Variants in TNRC6A observed in about 807,000 individuals in gnomAD.
TNRC6A encodes the protein trinucleotide repeat-containing gene 6A protein.
TNRC6A carries 44 observed loss-of-function variants against 221.2 expected under a neutral mutation model. That is an observed-to-expected ratio of 0.20 (90% CI 0.16 to 0.26). The LOEUF is 0.26. TNRC6A is among the 10% of genes least tolerant of loss of function. The probability of loss-of-function intolerance (pLI) is 1.00; values close to 1 mark genes in which losing one functional copy is unlikely to be tolerated. For synonymous variants in TNRC6A, 847 were observed against 838.5 expected, an observed-to-expected ratio of 1.01 and a Z score of -0.18; for missense variants, 2,199 against 2,404.4, an observed-to-expected ratio of 0.91 and a Z score of 1.79.
chr16:24,614,341 C>CCTG (rs1555478374), intron 1 of TNRC6A, among the ~76,000 whole-genome samples: 2 of 152,072 alleles, frequency 1.3e-5, no homozygotes, highest in African/African-American at 4.8e-5. Flanking sequence ...AAAGATACCA[C>CCTG]TTGTTGGGTG....
At chr16:24,796,097 C>T (rs1223674979) in intron 9 of TNRC6A, 158 bp downstream of exon 9, 21 of 735,016 alleles carry the variant, frequency 2.9e-5, no homozygotes, top group Non-Finnish European at 4.4e-5. Flanking sequence ...TTCGGGAGCT[C>T]ACAGTCTAGT....
At chr16:24,757,965 C>A (rs576676093) in intron 3 of TNRC6A, among the ~76,000 whole-genome samples, 1 of 152,080 alleles carries the variant, frequency 6.6e-6, no homozygotes, top group Non-Finnish European at 1.5e-5. Context: ...GCCATTTAAA[C>A]ATGCAAAATA....
chr16:24,656,036 A>G (rs802762), intron 2 of TNRC6A, among the ~76,000 whole-genome samples: 113,859 of 151,140 alleles, frequency 0.75, 43,949 homozygotes, highest in East Asian at 0.98. Context: ...CCAGCTACTC[A>G]GGAGGCTGAG....
intron 2 of TNRC6A, among the ~76,000 whole-genome samples, chr16:24,716,787 G>A (rs73548925): frequency 1.3e-5 from 2 of 151,470 alleles, no homozygotes; most frequent in African/African-American, 2.4e-5. Context: ...GTGAAACCCC[G>A]TCTCTACGAA....
In TNRC6A at chr16:24,729,685, C is replaced by T. The variant is rs1159057970; in HGVS notation, c.-157C>T. On this transcript the variant is annotated 5_prime_UTR_variant, in exon 1 of 25. Coordinates refer to ENST00000395799, the MANE Select transcript of TNRC6A (RefSeq NM_014494.4). The stretch of plus-strand genomic sequence containing the variant: ...CTGGGGCCTGCGGCGGCGGCGGTGT[C>T]GGCGGCGGCGGCGGCGGCGGCGGCG... 9.5e-6 allele frequency: 2 copies of T among 210,098 alleles called. No homozygotes were observed. The highest frequency in any genetic ancestry group is 7.0e-5 in the African/African-American group (1 of 14,352). The allele number at this position is 210,098 out of a possible 1,614,324, so 13.0% of individuals were successfully genotyped here. A position where few individuals can be genotyped will look rare whatever the true frequency, so the allele number is the denominator to read the frequency against.
chr16:24,630,403 T>C (rs1901271735), intron 1 of TNRC6A, among the ~76,000 whole-genome samples: 1 of 151,980 alleles, frequency 6.6e-6, no homozygotes. Context: ...GTGGCTAACA[T>C]GTGTAATCCC....
At chr16:24,655,578 A>G (rs2054894197) in intron 2 of TNRC6A, among the ~76,000 whole-genome samples, 2 of 151,940 alleles carry the variant, frequency 1.3e-5, no homozygotes, top group African/African-American at 4.8e-5. Flanking sequence ...AATCCCAGCT[A>G]CTCGGGAGGC....
chr16:24,617,145 G>A (rs1368564775), intron 1 of TNRC6A, among the ~76,000 whole-genome samples: 1 of 151,432 alleles, frequency 6.6e-6, no homozygotes, highest in Non-Finnish European at 1.5e-5. Context: ...CAGGTTGTGG[G>A]GATGGAGTCC....
intron 4 of TNRC6A, among the ~76,000 whole-genome samples, chr16:24,771,080 C>T (rs891111533): frequency 2.0e-5 from 3 of 152,202 alleles, no homozygotes; most frequent in Non-Finnish European, 4.4e-5. Context: ...GTTAGAGAGA[C>T]TTACAGAAAT....
At position 24,789,772 on chromosome 16, in the gene TNRC6A, G is replaced by C; in HGVS notation, c.1130G>C (p.Gly377Ala). 1 of 1,614,148 alleles carries C rather than the reference G, an allele frequency of 6.2e-7. No individual in the cohort carries two copies. The highest frequency in any genetic ancestry group is 8.5e-7 in the Non-Finnish European group (1 of 1,180,024). ...GCCTGGCCAGTATTAGAGAACAATGGACTTGCCCTAAAAGGGCCTGTAGGG... is the reference window on the plus strand; with the variant it reads ...GCCTGGCCAGTATTAGAGAACAATGCACTTGCCCTAAAAGGGCCTGTAGGG... ...HGAWPVLENN[G>A]LALKGPVGSG... The change falls in exon 6 of 25, where the codon GGA becomes GCA. Residue 377 changes from glycine (G) to alanine (A), a missense_variant. Physicochemically the swap from Gly to Ala is moderately conservative, Grantham distance 60. This residue lies in a region of TNRC6A where 1,405 missense variants were observed against 1,400.2 expected (regional missense o/e 1.00). Coordinates refer to ENST00000395799, the MANE Select transcript of TNRC6A (RefSeq NM_014494.4).
intron 6 of TNRC6A, 177 bp from the exon 7 acceptor site, chr16:24,793,296 G>T: frequency 2.4e-6 from 1 of 412,932 alleles, no homozygotes; most frequent in Non-Finnish European, 4.2e-6. Flanking sequence ...ATGGGAAATA[G>T]TTTGTCTTTT....
intron 2 of TNRC6A, among the ~76,000 whole-genome samples, chr16:24,660,382 A>T (rs1596614854): frequency 6.6e-6 from 1 of 152,220 alleles, no homozygotes; most frequent in East Asian, 1.9e-4. Flanking sequence ...CTCCAATCCC[A>T]TTCAGGTTGC....
intron 9 of TNRC6A, 66 bp downstream of exon 9, chr16:24,796,005 A>C (rs564123823): frequency 1.2e-5 from 18 of 1,555,330 alleles, no homozygotes; most frequent in African/African-American, 2.7e-5. Flanking sequence ...AGCAACTGCA[A>C]ACATTTATTT....
rs1269141415 is a variant in TNRC6A at position 24,790,778 on chromosome 16, C to T, written c.2136C>T (p.Asp712=). 6.2e-7 allele frequency: 1 copy of T among 1,614,120 alleles called. No homozygotes were observed. The highest frequency in any genetic ancestry group is 1.7e-5 in the Admixed American group (1 of 60,016). ...TLLQSIVNRT[D]LDPRVLSNSG... ...TCCAAAGCATTGTAAACAGAACTGA[C>T]TTAGATCCACGTGTCCTGTCCAACT... The change falls in exon 6 of 25, where the codon GAC becomes GAT. Residue 712 remains aspartate, a synonymous_variant. Transcript: ENST00000395799.
At chr16:24,714,116 T>C (rs985241452) in intron 2 of TNRC6A, among the ~76,000 whole-genome samples, 2 of 152,154 alleles carry the variant, frequency 1.3e-5, no homozygotes, top group African/African-American at 4.8e-5. Context: ...TAAATCCTTC[T>C]TTTAGTCCCT....
intron 2 of TNRC6A, among the ~76,000 whole-genome samples, chr16:24,651,454 C>G (rs1902644952): frequency 6.7e-6 from 1 of 149,760 alleles, no homozygotes; most frequent in East Asian, 2.0e-4. Flanking sequence ...AGGAGAATCG[C>G]CTGAACCTGG....
intron 5 of TNRC6A, among the ~76,000 whole-genome samples, chr16:24,783,368 A>G (rs1463521466): frequency 6.6e-6 from 1 of 152,138 alleles, no homozygotes; most frequent in African/African-American, 2.4e-5. Context: ...ACCTCAGGTA[A>G]TATGCCCACC....
At position 24,730,320 on chromosome 16, in the gene TNRC6A, C is replaced by T. The variant is rs370548721; in HGVS notation, c.53+20C>T. The T allele has an allele frequency of 1.2e-6, 2 of 1,602,090 alleles. No individual in the cohort carries two copies. Among genetic ancestry groups the T allele is most frequent in the East Asian group, 2.3e-5 (1 of 43,174 alleles). ...TAGCAGGTAAGATGGGCGAGCTTTC[C>T]GTCTCCCGCCCCACGATAATCGTAT... is the stretch of plus-strand genomic sequence containing the variant. On this transcript the variant is annotated intron_variant, in intron 2 of 24. Transcript: ENST00000395799.
At chr16:24,690,001 A>G (rs1596498514) in intron 2 of TNRC6A, among the ~76,000 whole-genome samples, 1 of 25,216 alleles carries the variant, frequency 4.0e-5, no homozygotes, top group South Asian at 1.0e-3. Context: ...AAAAAAAAAA[A>G]AAAAAAAAAA....
Sources: allele counts gnomAD v4.1 joint callset (sites outside exome capture counted in the v4.1 genomes callset), GRCh38; gene constraint gnomAD v4.1.1; regional missense constraint gnomAD v4.1.1; transcripts MANE v1.5; gene names NCBI Gene and HGNC (gene_info 2026-07-23, HGNC 2026-07-21).